Variants in ADH6 observed in about 807,000 individuals in gnomAD.
ADH6 encodes alcohol dehydrogenase 6 (class V).
A neutral mutation model predicts 36.5 loss-of-function variants in ADH6; 34 were observed. That is an observed-to-expected ratio of 0.93 (90% CI 0.71 to 1.24). The LOEUF (loss-of-function observed/expected upper bound fraction) is 1.24. ADH6 is among the 50% of genes most tolerant of loss of function. The probability of loss-of-function intolerance (pLI) is 0.00; values close to 1 mark genes in which losing one functional copy is unlikely to be tolerated. For synonymous variants in ADH6, 161 were observed against 155.5 expected, an observed-to-expected ratio of 1.04 and a Z score of -0.26; for missense variants, 440 against 447.0, an observed-to-expected ratio of 0.98 and a Z score of 0.14.
intron 6 of ADH6, 152 bp from the exon 7 acceptor site, chr4:99,207,733 G>T (rs1731086398): frequency 2.3e-6 from 2 of 877,218 alleles, no homozygotes; most frequent in Admixed American, 2.8e-5. Context: ...ATCTTGTAAG[G>T]ATGCTATGAA....
Position 99,210,105 on chromosome 4 carries a change from C to A in ADH6, c.544G>T (p.Gly182Cys), listed in dbSNP as rs774943749. The change falls in exon 5 of 9, where the codon GGT becomes TGT. Residue 182 changes from glycine (G) to cysteine (C), a missense_variant. Gly to Cys is a radical substitution (Grantham distance 159, BLOSUM62 -3). Coordinates refer to ENST00000394899, the MANE Select transcript of ADH6 (RefSeq NM_001102470.2). ...ACCTTGGCAGTATTGATTGCAGCAC[C>A]AAACCCAGTGGAAAAGCCACAGCTA... ...LISCGFSTGFGAAINTAKVTP... is the reference protein window; with the variant it reads ...LISCGFSTGFCAAINTAKVTP... 4 of 1,613,648 alleles carry A rather than the reference C, an allele frequency of 2.5e-6. No individual in the cohort carries two copies. The Admixed American group carries it at 5.0e-5, about 20-fold the overall frequency.
At position 99,203,427 on chromosome 4, in the gene ADH6, T is replaced by C. The variant is rs551791912; in HGVS notation, c.*792A>G. The C allele has an allele frequency of 6.6e-6, 1 of 152,294 alleles. No individual in the cohort carries two copies. Among genetic ancestry groups the C allele is most frequent in the African/African-American group, 2.4e-5 (1 of 41,570 alleles). 9.4% of individuals were successfully genotyped at this position (152,294 alleles called of 1,614,324 possible). A position where few individuals can be genotyped will look rare whatever the true frequency, so the allele number is the denominator to read the frequency against. On this transcript the variant is annotated 3_prime_UTR_variant, in exon 9 of 9. Transcript: ENST00000394899. ...GGGGCTCATTTTCCCCTAAGCCACT[T>C]CTTGGAGGAAAAACTCCATGGAACA... is the stretch of plus-strand genomic sequence containing the variant.
chr4:99,216,088 A>G, intron 2 of ADH6, 73 bp downstream of exon 2: 4 of 744,470 alleles, frequency 5.4e-6, no homozygotes, highest in South Asian at 2.6e-5. Context: ...TCCGGATAAG[A>G]ATATGTAACT....
chr4:99,206,075 T>C (rs557572578), intron 7 of ADH6, among the ~76,000 whole-genome samples: 70 of 152,292 alleles, frequency 4.6e-4, no homozygotes, highest in African/African-American at 1.6e-3. Flanking sequence ...AAAACATTTT[T>C]ACATCTATGT....
intron 8 of ADH6, 86 bp from the exon 9 acceptor site, chr4:99,204,329 C>A (rs1730946166): frequency 6.5e-7 from 1 of 1,540,670 alleles, no homozygotes. Context: ...CTTTGTAGAG[C>A]AGTAAACTAG....
chr4:99,205,662 AT>A, intron 7 of ADH6, among the ~76,000 whole-genome samples: 1 of 152,026 alleles, frequency 6.6e-6, no homozygotes, highest in Non-Finnish European at 1.5e-5. Flanking sequence ...TTAGCATTGT[AT>A]TTTCTCTATT....
intron 2 of ADH6, among the ~76,000 whole-genome samples, chr4:99,215,106 A>G (rs919427032): frequency 6.6e-6 from 1 of 152,124 alleles, no homozygotes; most frequent in African/African-American, 2.4e-5. Context: ...TTGTCTGATA[A>G]TGGTTGAATG....
At chr4:99,208,609 A>G in intron 6 of ADH6, 59 bp downstream of exon 6, 1 of 1,530,206 alleles carries the variant, frequency 6.5e-7, no homozygotes, top group Non-Finnish European at 8.8e-7. Flanking sequence ...TCATTCAACT[A>G]TAATCTAAAC....
chr4:99,204,021 G>T lies in ADH6; in HGVS notation c.*198C>A. On this transcript the variant is annotated 3_prime_UTR_variant, in exon 9 of 9. Coordinates refer to ENST00000394899, the MANE Select transcript of ADH6 (RefSeq NM_001102470.2). ...AGCTCTGAAAAGGAGGCTGATCCTT[G>T]GTGACACTGGGTTACGTAAGAACAA... The T allele has an allele frequency of 3.6e-6, 2 of 559,246 alleles. No individual in the cohort carries two copies. Among genetic ancestry groups the T allele is most frequent in the Non-Finnish European group, 5.9e-6 (2 of 337,570 alleles). The allele number at this position is 559,246 out of a possible 1,614,324, so 34.6% of individuals were successfully genotyped here. A position where few individuals can be genotyped will look rare whatever the true frequency, so the allele number is the denominator to read the frequency against.
At chr4:99,216,582 C>A (rs1731437267) in intron 1 of ADH6, among the ~76,000 whole-genome samples, 1 of 151,862 alleles carries the variant, frequency 6.6e-6, no homozygotes, top group African/African-American at 2.4e-5. Flanking sequence ...CACGGTGGCT[C>A]ACGCCTGTAA....
Position 99,213,733 on chromosome 4 carries a change from T to G in ADH6, c.135A>C (p.Gly45=). The change falls in exon 3 of 9, where the codon GGA becomes GGC. Residue 45 remains glycine, a synonymous_variant. Coordinates refer to ENST00000394899, the MANE Select transcript of ADH6 (RefSeq NM_001102470.2). Reference sequence around the variant, plus strand: ...ACACTTTCATCTCTGTACCACACAGTCCGGTGGCCACAACCTGTATGGAAG... The same window carrying G: ...ACACTTTCATCTCTGTACCACACAGGCCGGTGGCCACAACCTGTATGGAAG... The part of the protein sequence containing the change: ...KEVRIKVVAT[G]LCGTEMKVLG... The G allele has an allele frequency of 6.2e-7, 1 of 1,608,390 alleles. No individual in the cohort carries two copies. Among genetic ancestry groups the G allele is most frequent in the Non-Finnish European group, 8.5e-7 (1 of 1,178,082 alleles).
At chr4:99,218,597 A>G (rs1176526272) in intron 1 of ADH6, among the ~76,000 whole-genome samples, 2 of 152,172 alleles carry the variant, frequency 1.3e-5, no homozygotes, top group African/African-American at 4.8e-5. Flanking sequence ...TTTGTGTTTC[A>G]GGCTTTACCT....
intron 1 of ADH6, among the ~76,000 whole-genome samples, chr4:99,217,126 T>C (rs1281162660): frequency 3.3e-5 from 5 of 152,044 alleles, no homozygotes; most frequent in East Asian, 1.9e-4. Flanking sequence ...AGCTCCGCCT[T>C]CCGGGTTCAT....
At chr4:99,204,646 A>G in intron 8 of ADH6, 1 of 1,192,510 alleles carries the variant, frequency 8.4e-7, no homozygotes, top group Non-Finnish European at 1.0e-6. Context: ...ACTTCCATTA[A>G]TATGTCATGT....
At chr4:99,216,132 GTGA>G in intron 2 of ADH6, 26 bp downstream of exon 2, 2 of 1,075,230 alleles carry the variant, frequency 1.9e-6, no homozygotes, top group Non-Finnish European at 1.3e-6. Flanking sequence ...GGCTTTTGGT[GTGA>G]TTTTTTTTTT....
Position 99,208,714 on chromosome 4 carries a change from G to C in ADH6, c.782C>G (p.Ala261Gly), listed in dbSNP as rs756978211. 1.1e-5 allele frequency: 18 copies of C among 1,613,634 alleles called. No individual in the cohort carries two copies. The Middle Eastern group carries it at 4.9e-4, about 44-fold the overall frequency. The change falls in exon 6 of 9, where the codon GCT becomes GGT. Residue 261 changes from alanine (A) to glycine (G), a missense_variant. Transcript: ENST00000394899. Reference sequence around the variant, plus strand: ...GGCCTCAAAGCAGAAGTCTATACCAGCATCTGTCATATCAAATAAAACTTC... The same window carrying C: ...GGCCTCAAAGCAGAAGTCTATACCACCATCTGTCATATCAAATAAAACTTC... ...IQEVLFDMTDAGIDFCFEAIG... is the reference protein window; with the variant it reads ...IQEVLFDMTDGGIDFCFEAIG...
At chr4:99,204,450 G>C in intron 8 of ADH6, 1 of 1,363,556 alleles carries the variant, frequency 7.3e-7, no homozygotes. Flanking sequence ...GCTTATACTC[G>C]TGTGGGGAAT....
Position 99,207,480 on chromosome 4 carries a change from G to A in ADH6, c.930C>T (p.Phe310=). 6.2e-7 allele frequency: 1 copy of A among 1,613,540 alleles called. No individual in the cohort carries two copies. The highest frequency in any genetic ancestry group is 8.5e-7 in the Non-Finnish European group (1 of 1,179,676). The change falls in exon 7 of 9, where the codon TTC becomes TTT. Residue 310 remains phenylalanine, a synonymous_variant. Transcript: ENST00000394899. ...VQLKISGQLF[F]SGRSLKGSVF... is the part of the protein sequence containing the mutation. The stretch of plus-strand genomic sequence containing the variant: ...CAGAACCCTTCAAAGAACGTCCTGA[G>A]AAGAACAACTGGCCACTGATTTTGA...
chr4:99,217,905 T>G (rs1731507863), intron 1 of ADH6, among the ~76,000 whole-genome samples: 1 of 152,124 alleles, frequency 6.6e-6, no homozygotes, highest in Admixed American at 6.5e-5. Flanking sequence ...GAGGCAATCA[T>G]CAAATGGTGT....
Sources: gnomAD v4.1 joint callset for allele counts (sites outside exome capture counted in the v4.1 genomes callset) on GRCh38, gnomAD v4.1.1 for gene constraint, MANE v1.5 for transcripts, NCBI Gene and HGNC (gene_info 2026-07-23, HGNC 2026-07-21) for gene names.